FILIP1: variants seen among roughly 807,000 people sequenced by gnomAD.
FILIP1 encodes the protein filamin A interacting protein 1, also known as filamin-A-interacting protein 1.
A neutral mutation model predicts 102.1 loss-of-function variants in FILIP1; 61 were observed. The observed-to-expected ratio is 0.60, with a 90% CI of 0.49 to 0.74. The LOEUF (loss-of-function observed/expected upper bound fraction) is 0.74. Ranked by LOEUF, FILIP1 falls within the 30% of genes least tolerant of loss-of-function variation. The probability of loss-of-function intolerance (pLI) is 0.00; values close to 1 mark genes in which losing one functional copy is unlikely to be tolerated. For missense variants in FILIP1, 1,314 were observed against 1,441.2 expected (o/e 0.91, Z 1.43); for synonymous variants, 491 against 526.9 (o/e 0.93, Z 0.93).
chr6:75,465,605 T>A, intron 1 of FILIP1: 1 of 406,226 alleles, frequency 2.5e-6, no homozygotes, highest in South Asian at 2.9e-5. Flanking sequence ...CATCCCCTCA[T>A]TCGATTTAAG....
intron 1 of FILIP1, among the ~76,000 whole-genome samples, chr6:75,443,043 A>G (rs1055648921): frequency 3.9e-5 from 6 of 152,220 alleles, no homozygotes; most frequent in Admixed American, 6.5e-5. Flanking sequence ...AAAGTTTCTT[A>G]ATTGTTTGGG....
At chr6:75,386,591 C>T (rs1451697452) in intron 2 of FILIP1, among the ~76,000 whole-genome samples, 1 of 152,186 alleles carries the variant, frequency 6.6e-6, no homozygotes, top group Non-Finnish European at 1.5e-5. Context: ...GTTCTCAAGG[C>T]TTACATCTCA....
At chr6:75,333,082 T>G (rs766991961) in intron 4 of FILIP1, among the ~76,000 whole-genome samples, 13 of 152,182 alleles carry the variant, frequency 8.5e-5, no homozygotes, top group Non-Finnish European at 1.5e-4. Context: ...TAGACATAAC[T>G]TAGGTAGCAA....
At chr6:75,441,672 C>T (rs1173604591) in intron 1 of FILIP1, among the ~76,000 whole-genome samples, 2 of 148,808 alleles carry the variant, frequency 1.3e-5, no homozygotes, top group Non-Finnish European at 3.0e-5. Flanking sequence ...GACGCCCCCA[C>T]CTCCCTCCCT....
At chr6:75,307,325 C>T (rs892057246), downstream of FILIP1, among the ~76,000 whole-genome samples, 1 of 152,152 alleles carries the variant, frequency 6.6e-6, no homozygotes, top group African/African-American at 2.4e-5. Flanking sequence ...TCTAATCATA[C>T]ATCTTTTTTT....
intron 1 of FILIP1, among the ~76,000 whole-genome samples, chr6:75,446,133 A>G (rs1324127920): frequency 6.6e-6 from 1 of 152,142 alleles, no homozygotes; most frequent in Non-Finnish European, 1.5e-5. Flanking sequence ...AGCTATTGCT[A>G]TAGTTAGATT....
At chr6:75,296,114 A>C (rs1772660077) in intron 6 of FILIP1, among the ~76,000 whole-genome samples, 1 of 152,210 alleles carries the variant, frequency 6.6e-6, no homozygotes, top group Non-Finnish European at 1.5e-5. Context: ...CAACGTCTTT[A>C]TATTGGCGTA....
chr6:75,344,822 G>A (rs1034215018), intron 4 of FILIP1, among the ~76,000 whole-genome samples: 3 of 152,200 alleles, frequency 2.0e-5, no homozygotes, highest in Non-Finnish European at 4.4e-5. Context: ...GTAATATCCT[G>A]AAAACTTTTT....
chr6:75,311,496 TTTGTTTGC>T (rs1773183142), intron 5 of FILIP1, among the ~76,000 whole-genome samples: 1 of 151,984 alleles, frequency 6.6e-6, no homozygotes, highest in African/African-American at 2.4e-5. Context: ...TGTTTGTTTG[TTTGTTTGC>T]TTGTTTGTTT....
At chr6:75,416,453 T>C (rs2086797324) in intron 1 of FILIP1, among the ~76,000 whole-genome samples, 1 of 151,982 alleles carries the variant, frequency 6.6e-6, no homozygotes, top group Admixed American at 6.6e-5. Flanking sequence ...AATTTTAGAG[T>C]ATCTTTTGGG....
exon 7 of FILIP1, chr6:75,293,418 G>A (rs954123422): frequency 1.3e-5 from 2 of 151,984 alleles, no homozygotes; most frequent in Non-Finnish European, 2.9e-5. Flanking sequence ...GTGTTTTCTG[G>A]GGGTTTTTTG....
chr6:75,467,845 A>G (rs1371261240), intron 1 of FILIP1, among the ~76,000 whole-genome samples: 1 of 152,204 alleles, frequency 6.6e-6, no homozygotes. Context: ...AATGGATACG[A>G]AGGACAAGAG....
At chr6:75,430,400 A>G (rs2149707275) in intron 1 of FILIP1, among the ~76,000 whole-genome samples, 1 of 152,324 alleles carries the variant, frequency 6.6e-6, no homozygotes, top group East Asian at 1.9e-4. Context: ...CAAAACATGT[A>G]TATGTATTTA....
intron 1 of FILIP1, among the ~76,000 whole-genome samples, chr6:75,416,234 T>C (rs2149689642): frequency 6.6e-6 from 1 of 152,284 alleles, no homozygotes; most frequent in African/African-American, 2.4e-5. Flanking sequence ...AGTGTGATGT[T>C]TCCTTTCAGA....
At chr6:75,421,653 G>A (rs768872411) in intron 1 of FILIP1, among the ~76,000 whole-genome samples, 19 of 152,094 alleles carry the variant, frequency 1.2e-4, no homozygotes, top group Admixed American at 2.6e-4. Context: ...CTAAACTCCC[G>A]TAGCACATCT....
chr6:75,486,920 G>T (rs1396350292), intron 1 of FILIP1, among the ~76,000 whole-genome samples: 1 of 152,030 alleles, frequency 6.6e-6, no homozygotes, highest in East Asian at 1.9e-4. Context: ...CTTATGGAAT[G>T]AGCAGAATGT....
At chr6:75,461,797 T>A (rs2998367) in intron 1 of FILIP1, among the ~76,000 whole-genome samples, 4 of 152,090 alleles carry the variant, frequency 2.6e-5, no homozygotes, top group Non-Finnish European at 5.9e-5. Context: ...AGAATTCTTA[T>A]TAAGCACCGC....
intron 1 of FILIP1, among the ~76,000 whole-genome samples, chr6:75,472,815 C>G (rs555222125): frequency 1.2e-4 from 19 of 152,212 alleles, no homozygotes; most frequent in African/African-American, 4.3e-4. Flanking sequence ...GAACCAAAAG[C>G]ATCAAATTAT....
At chr6:75,338,548 T>C (rs2149586388) in intron 4 of FILIP1, among the ~76,000 whole-genome samples, 1 of 152,312 alleles carries the variant, frequency 6.6e-6, no homozygotes, top group South Asian at 2.1e-4. Context: ...TCTTCCACTC[T>C]AGAAAAAAAG....
Sources: gnomAD v4.1 joint callset for allele counts (sites outside exome capture counted in the v4.1 genomes callset) on GRCh38, gnomAD v4.1.1 for gene constraint, MANE v1.5 for transcripts, NCBI Gene and HGNC (gene_info 2026-07-23, HGNC 2026-07-21) for gene names.